Variants in KANK1 observed in about 807,000 individuals in gnomAD.
The protein encoded by KANK1 is KN motif and ankyrin repeat domain-containing protein 1.
Under a neutral mutation model 106.2 loss-of-function variants are expected in KANK1, and 109 were observed. That is an observed-to-expected ratio of 1.03 (90% CI 0.88 to 1.20). KANK1 has a LOEUF of 1.20. KANK1 is among the 50% of genes most tolerant of loss of function. The pLI, the probability that KANK1 is intolerant of heterozygous loss-of-function variation, is 0.00. For missense variants in KANK1, 2,399 were observed against 1,710.7 expected, an observed-to-expected ratio of 1.40 and a Z score of -7.10; for synonymous variants, 873 against 652.2, an observed-to-expected ratio of 1.34 and a Z score of -5.16.
chr9:646,729 A>G (rs2137374847), intron 1 of KANK1, among the ~76,000 whole-genome samples: 1 of 148,154 alleles, frequency 6.7e-6, no homozygotes, highest in South Asian at 2.1e-4. Context: ...TCTCTCTGTC[A>G]CCCAGGCTGG....
chr9:692,920 T>G (rs1820324749), intron 2 of KANK1, among the ~76,000 whole-genome samples: 1 of 152,090 alleles, frequency 6.6e-6, no homozygotes, highest in Non-Finnish European at 1.5e-5. Context: ...GAGGATCACA[T>G]GAGCCCAGGA....
chr9:512,249 G>GTGTGTGTGTGTATATATATA (rs370159663), intron 1 of KANK1, among the ~76,000 whole-genome samples: 1 of 149,506 alleles, frequency 6.7e-6, no homozygotes, highest in African/African-American at 2.5e-5. Context: ...GTGTGTGTGT[G>GTGTGTGTGTGTATATATATA]TATGTATATA....
chr9:659,983 C>T (rs1353614782), intron 1 of KANK1: 2 of 213,434 alleles, frequency 9.4e-6, no homozygotes, highest in East Asian at 1.2e-4. Context: ...GAAAAACAAT[C>T]GTATGTCCAC....
chr9:544,055 C>A (rs2060779072), intron 1 of KANK1, among the ~76,000 whole-genome samples: 1 of 151,514 alleles, frequency 6.6e-6, no homozygotes, highest in Admixed American at 6.6e-5. Context: ...AGACAATGTT[C>A]TGTTGCCCAG....
chr9:620,285 C>A (rs1227643277), intron 1 of KANK1, among the ~76,000 whole-genome samples: 1 of 152,166 alleles, frequency 6.6e-6, no homozygotes, highest in African/African-American at 2.4e-5. Flanking sequence ...CTTTCCCACC[C>A]TGTCTTGGAA....
intron 1 of KANK1, among the ~76,000 whole-genome samples, chr9:625,965 GC>G (rs1286839926): frequency 1.3e-5 from 2 of 151,968 alleles, no homozygotes; most frequent in African/African-American, 2.4e-5. Context: ...AAACTCCCCT[GC>G]ACTCCATTCA....
At chr9:655,327 C>T (rs1184345065) in intron 1 of KANK1, among the ~76,000 whole-genome samples, 1 of 148,838 alleles carries the variant, frequency 6.7e-6, no homozygotes. Flanking sequence ...GTGGAGATCA[C>T]TCCATTGCAC....
intron 1 of KANK1, among the ~76,000 whole-genome samples, chr9:672,616 GA>G (rs1230751868): frequency 2.0e-5 from 3 of 152,148 alleles, no homozygotes; most frequent in African/African-American, 7.2e-5. Flanking sequence ...AGCAGTGCTA[GA>G]GTATATATCA....
At chr9:482,230 A>G (rs1211121304) in intron 3 of KANK1, among the ~76,000 whole-genome samples, 5 of 152,124 alleles carry the variant, frequency 3.3e-5, no homozygotes, top group African/African-American at 1.2e-4. Context: ...TTGGACAATC[A>G]CCCTTGATGC....
At chr9:605,347 A>G (rs952992907) in intron 1 of KANK1, among the ~76,000 whole-genome samples, 2 of 151,662 alleles carry the variant, frequency 1.3e-5, no homozygotes, top group Non-Finnish European at 2.9e-5. Context: ...AGGAAAGATA[A>G]TCACTCTCAG....
intron 3 of KANK1, among the ~76,000 whole-genome samples, chr9:720,742 C>G (rs1252705166): frequency 6.6e-6 from 1 of 152,210 alleles, no homozygotes; most frequent in Non-Finnish European, 1.5e-5. Flanking sequence ...AAACCATCCT[C>G]CAGCCTCAGC....
At chr9:602,678 T>C (rs1381081569) in intron 1 of KANK1, among the ~76,000 whole-genome samples, 2 of 151,912 alleles carry the variant, frequency 1.3e-5, no homozygotes, top group Non-Finnish European at 2.9e-5. Flanking sequence ...GCATAAACTT[T>C]TGATAAGTTA....
intron 1 of KANK1, among the ~76,000 whole-genome samples, chr9:541,563 A>G (rs533616372): frequency 2.0e-5 from 3 of 152,190 alleles, no homozygotes; most frequent in African/African-American, 7.2e-5. Context: ...AGCCTGGGCA[A>G]TGATGTTTTG....
intron 1 of KANK1, 21 bp from the exon 2 acceptor site, chr9:676,869 G>T: frequency 1.2e-6 from 1 of 818,480 alleles, no homozygotes. Context: ...CATTTTGATG[G>T]GGCTCTCTTT....
chr9:572,058 A>G (rs1046509699), intron 1 of KANK1, among the ~76,000 whole-genome samples: 4 of 151,512 alleles, frequency 2.6e-5, no homozygotes, highest in Non-Finnish European at 5.9e-5. Flanking sequence ...TTCCTTTTTT[A>G]GGGCATTTCA....
chr9:595,087 C>T (rs531674254), intron 1 of KANK1, among the ~76,000 whole-genome samples: 1 of 151,958 alleles, frequency 6.6e-6, no homozygotes, highest in South Asian at 2.1e-4. Flanking sequence ...CTAATAATCA[C>T]ATTGAAATAG....
intron 1 of KANK1, among the ~76,000 whole-genome samples, chr9:527,458 C>T (rs1476262881): frequency 1.3e-5 from 2 of 151,650 alleles, no homozygotes; most frequent in Non-Finnish European, 1.5e-5. Flanking sequence ...GGCGCCAACA[C>T]ACCCAGCTAA....
intron 1 of KANK1, among the ~76,000 whole-genome samples, chr9:608,548 G>C (rs1829852836): frequency 6.6e-6 from 1 of 151,318 alleles, no homozygotes; most frequent in African/African-American, 2.5e-5. Flanking sequence ...TTTACATGTG[G>C]GAACTGTCAA....
At chr9:633,416 C>A (rs1588433470) in intron 1 of KANK1, among the ~76,000 whole-genome samples, 1 of 152,130 alleles carries the variant, frequency 6.6e-6, no homozygotes, top group Non-Finnish European at 1.5e-5. Flanking sequence ...CGTGATCGCG[C>A]CCCTGCACTC....
Sources: allele counts gnomAD v4.1 joint callset (sites outside exome capture counted in the v4.1 genomes callset), GRCh38; gene constraint gnomAD v4.1.1; transcripts MANE v1.5; gene names NCBI Gene and HGNC (gene_info 2026-07-23, HGNC 2026-07-21).